The following BIRC5 variants were observed in gnomAD, a reference collection of about 807,000 sequenced individuals.
BIRC5 encodes baculoviral IAP repeat containing 5, also known as baculoviral IAP repeat-containing protein 5.
BIRC5 carries 8 observed loss-of-function variants against 15.8 expected under a neutral mutation model. The ratio of observed to expected loss-of-function variants is 0.51; its 90% CI spans 0.30 to 0.91. The LOEUF is 0.91. BIRC5 is among the 40% of genes least tolerant of loss of function. The pLI, the probability that BIRC5 is intolerant of heterozygous loss-of-function variation, is 0.07. For missense variants in BIRC5, 163 were observed against 178.6 expected (o/e 0.91, Z 0.50); for synonymous variants, 56 against 64.5 (o/e 0.87, Z 0.63).
chr17:78,216,849 T>A, intron 3 of BIRC5, 68 bp downstream of exon 3: 3 of 1,156,486 alleles, frequency 2.6e-6, no homozygotes, highest in Non-Finnish European at 3.7e-6. Flanking sequence ...ACCTAGTCCC[T>A]CAAAGGGACT....
Position 78,224,116 on chromosome 17 carries a change from C to A in BIRC5, c.*562C>A, listed in dbSNP as rs1160508030. 1 of 149,806 alleles carries A rather than the reference C, an allele frequency of 6.7e-6. No individual in the cohort carries two copies. The highest frequency in any genetic ancestry group is 2.5e-5 in the African/African-American group (1 of 40,246). The allele number at this position is 149,806 out of a possible 1,614,324, so 9.3% of individuals were successfully genotyped here. ...CTTGTGTGTGATGAGAGAATGGAGA[C>A]AGAGTCCCTGGCTCCTCTACTGTTT... On this transcript the variant is annotated 3_prime_UTR_variant, in exon 4 of 4. Transcript: ENST00000350051.
chr17:78,218,805 T>A (rs529817372), intron 3 of BIRC5, among the ~76,000 whole-genome samples: 2 of 151,676 alleles, frequency 1.3e-5, no homozygotes, highest in African/African-American at 4.8e-5. Context: ...CAAGGTTTCA[T>A]CATGTTGGCC....
chr17:78,222,639 A>T (rs2661693), intron 3 of BIRC5, among the ~76,000 whole-genome samples: 96,977 of 152,168 alleles, frequency 0.64, 30,971 homozygotes, highest in Middle Eastern at 0.76. Flanking sequence ...CACACCAGCC[A>T]AGGCAACAAG....
At chr17:78,222,073 T>C (rs2076519178) in intron 3 of BIRC5, among the ~76,000 whole-genome samples, 1 of 151,886 alleles carries the variant, frequency 6.6e-6, no homozygotes. Flanking sequence ...TGGTGGCACG[T>C]GCCTGTAGTC....
At position 78,214,725 on chromosome 17, in the gene BIRC5, G is replaced by A; in HGVS notation, c.157G>A (p.Asp53Asn). Residue 53 changes from aspartate to asparagine, a missense_variant, in exon 2 of 4, where the codon GAC (aspartate) becomes AAC (asparagine). Coordinates refer to ENST00000350051, the MANE Select transcript of BIRC5 (RefSeq NM_001168.3). ...FIHCPTENEP[D>N]LAQCFFCFKE... is the part of the protein sequence containing the mutation. ...CCACTGCCCCACTGAGAACGAGCCA[G>A]ACTTGGCCCAGTGTTTCTTCTGCTT... The A allele has an allele frequency of 6.2e-7, 1 of 1,612,400 alleles. No homozygotes were observed. The highest frequency in any genetic ancestry group is 8.5e-7 in the Non-Finnish European group (1 of 1,179,364).
At chr17:78,217,557 C>T (rs754103238) in intron 3 of BIRC5, among the ~76,000 whole-genome samples, 10 of 151,990 alleles carry the variant, frequency 6.6e-5, no homozygotes, top group South Asian at 2.1e-4. Flanking sequence ...AGTGCAGCGA[C>T]GGGATCTCGG....
At chr17:78,215,834 T>C in intron 2 of BIRC5, 1 of 1,001,350 alleles carries the variant, frequency 1.0e-6, no homozygotes, top group African/African-American at 1.7e-5. Flanking sequence ...GTTTTCATTG[T>C]AATGCAGTTC....
intron 3 of BIRC5, chr17:78,222,999 C>T: frequency 1.4e-6 from 2 of 1,478,016 alleles, no homozygotes; most frequent in Non-Finnish European, 1.8e-6. Flanking sequence ...AAAGGTAGGG[C>T]AGTGGTTAAG....
At position 78,223,651 on chromosome 17, in the gene BIRC5, G is replaced by T; in HGVS notation, c.*97G>T. The stretch of plus-strand genomic sequence containing the variant: ...GCCTTCCTGTGGGCCCCTTAGCAAT[G>T]TCTTAGGAAAGGAGATCAACATTTT... On this transcript the variant is annotated 3_prime_UTR_variant, in exon 4 of 4. Transcript: ENST00000350051. 1 of 1,569,958 alleles carries T rather than the reference G, an allele frequency of 6.4e-7. No homozygotes were observed. Among genetic ancestry groups the T allele is most frequent in the Non-Finnish European group, 8.6e-7 (1 of 1,158,692 alleles).
intron 1 of BIRC5, 118 bp from the exon 2 acceptor site, chr17:78,214,562 G>A (rs2145891894): frequency 7.9e-7 from 1 of 1,271,106 alleles, no homozygotes; most frequent in Admixed American, 2.7e-5. Flanking sequence ...ACTGTGGCTG[G>A]GCCCCTTGGG....
Position 78,214,253 on chromosome 17 carries a change from G to C in BIRC5, c.-64G>C, listed in dbSNP as rs960768768. 29 of 1,452,966 alleles carry C rather than the reference G, an allele frequency of 2.0e-5. No homozygotes were observed. The highest frequency in any genetic ancestry group is 9.4e-6 in the Non-Finnish European group (10 of 1,065,052). The allele number at this position is 1,452,966 out of a possible 1,614,324, so 90.0% of individuals were successfully genotyped here. A position where few individuals can be genotyped will look rare whatever the true frequency, so the allele number is the denominator to read the frequency against. ...AGGGCGTGCGCTCCCGACATGCCCC[G>C]CGGCGCGCCATTAACCGCCAGATTT... is the stretch of plus-strand genomic sequence containing the variant. On this transcript the variant is annotated 5_prime_UTR_variant, in exon 1 of 4. Coordinates refer to ENST00000350051, the MANE Select transcript of BIRC5 (RefSeq NM_001168.3).
intron 2 of BIRC5, chr17:78,216,015 C>T (rs147848202): frequency 1.4e-5 from 14 of 1,032,182 alleles, no homozygotes; most frequent in African/African-American, 1.2e-4. Flanking sequence ...TTTGGGAGGC[C>T]GAGGCGGGCG....
Position 78,214,273 on chromosome 17 carries a change from A to G in BIRC5, c.-44A>G. On this transcript the variant is annotated 5_prime_UTR_variant, in exon 1 of 4. Coordinates refer to ENST00000350051, the MANE Select transcript of BIRC5 (RefSeq NM_001168.3). Reference sequence around the variant, plus strand: ...GCCCCGCGGCGCGCCATTAACCGCCAGATTTGAATCGCGGGACCCGTTGGC... The same window carrying G: ...GCCCCGCGGCGCGCCATTAACCGCCGGATTTGAATCGCGGGACCCGTTGGC... 1 of 1,550,892 alleles carries G rather than the reference A, an allele frequency of 6.4e-7. No individual in the cohort carries two copies. Among genetic ancestry groups the G allele is most frequent in the African/African-American group, 1.4e-5 (1 of 72,932 alleles).
intron 2 of BIRC5, chr17:78,216,426 T>C: frequency 2.3e-6 from 1 of 430,040 alleles, no homozygotes; most frequent in Non-Finnish European, 4.3e-6. Flanking sequence ...ATAAAATAGA[T>C]ACATTAGCCA....
At chr17:78,218,529 A>G (rs2076495667) in intron 3 of BIRC5, among the ~76,000 whole-genome samples, 1 of 149,134 alleles carries the variant, frequency 6.7e-6, no homozygotes, top group Admixed American at 6.7e-5. Context: ...TGACCTTGTG[A>G]TCTGCCCGCT....
In BIRC5 at chr17:78,225,173, G is replaced by T. The variant is rs1432157819; in HGVS notation, c.*1619G>T. ...CCTTTGCATGCCAGGCGGTGATGTG[G>T]ATCTCGGCTTCTGTGAGCCTGTGCT... On this transcript the variant is annotated 3_prime_UTR_variant, in exon 4 of 4. Coordinates refer to ENST00000350051, the MANE Select transcript of BIRC5 (RefSeq NM_001168.3). 1 of 152,200 alleles carries T rather than the reference G, an allele frequency of 6.6e-6. No individual in the cohort carries two copies. The highest frequency in any genetic ancestry group is 2.4e-5 in the African/African-American group (1 of 41,444). 9.4% of individuals were successfully genotyped at this position (152,200 alleles called of 1,614,324 possible).
At position 78,214,794 on chromosome 17, in the gene BIRC5, G is replaced by A; in HGVS notation, c.221+5G>A. ...GGAGCCAGATGACGACCCCATGTAAGTCTTCTCTGGCCAGCCTCGATGGGC... is the reference window on the plus strand; with the variant it reads ...GGAGCCAGATGACGACCCCATGTAAATCTTCTCTGGCCAGCCTCGATGGGC... On this transcript the variant is annotated splice_donor_5th_base_variant and intron_variant, in intron 2 of 3. Transcript: ENST00000350051. 1 of 1,608,864 alleles carries A rather than the reference G, an allele frequency of 6.2e-7. No homozygotes were observed. The highest frequency in any genetic ancestry group is 8.5e-7 in the Non-Finnish European group (1 of 1,177,312).
intron 3 of BIRC5, chr17:78,222,996 G>A: frequency 1.4e-6 from 2 of 1,480,386 alleles, no homozygotes; most frequent in Non-Finnish European, 1.8e-6. Context: ...GAGAAAGGTA[G>A]GGCAGTGGTT....
At chr17:78,219,697 C>T (rs1241263853) in intron 3 of BIRC5, among the ~76,000 whole-genome samples, 1 of 152,194 alleles carries the variant, frequency 6.6e-6, no homozygotes, top group Non-Finnish European at 1.5e-5. Context: ...TCTCTTAGCC[C>T]TCGTGGGTCA....
Sources: gnomAD v4.1 joint callset for allele counts (sites outside exome capture counted in the v4.1 genomes callset) on GRCh38, gnomAD v4.1.1 for gene constraint, MANE v1.5 for transcripts, NCBI Gene and HGNC (gene_info 2026-07-23, HGNC 2026-07-21) for gene names.